FMO5: variants seen among roughly 807,000 people sequenced by gnomAD.
FMO5 encodes flavin-containing monooxygenase 5.
In FMO5, 51 loss-of-function variants were observed where a neutral mutation model predicts 43.6. The ratio of observed to expected loss-of-function variants is 1.17; its 90% CI spans 0.93 to 1.48. The LOEUF is 1.48. FMO5 is among the 40% of genes most tolerant of loss of function. The pLI, the probability that FMO5 is intolerant of heterozygous loss-of-function variation, is 0.00. For missense variants in FMO5, 644 were observed against 643.0 expected, an observed-to-expected ratio of 1.00 and a Z score of -0.02; for synonymous variants, 187 against 216.5, an observed-to-expected ratio of 0.86 and a Z score of 1.20.
intron 7 of FMO5, among the ~76,000 whole-genome samples, chr1:147,190,908 C>T (rs1236107380): frequency 4.0e-5 from 6 of 151,892 alleles, no homozygotes; most frequent in African/African-American, 1.5e-4. Flanking sequence ...TGTTCAATTC[C>T]CACCTATGAG....
At chr1:147,223,515 G>A (rs1663432808) in intron 2 of FMO5, 1 of 152,460 alleles carries the variant, frequency 6.6e-6, no homozygotes, top group South Asian at 2.1e-4. Context: ...CAGAAAACTA[G>A]CTTAAAAGCA....
intron 8 of FMO5, among the ~76,000 whole-genome samples, chr1:147,187,698 G>C (rs6697092): frequency 0.049 from 7,523 of 152,202 alleles, 194 homozygotes; most frequent in African/African-American, 0.07. Context: ...GACTTCCCAG[G>C]GCCAATGTTA....
intron 2 of FMO5, chr1:147,223,890 G>A (rs1553926883): frequency 8.5e-6 from 3 of 354,790 alleles, no homozygotes; most frequent in Non-Finnish European, 1.6e-5. Context: ...AAGAAGCAGA[G>A]ACTGTTGTCC....
chr1:147,208,790 G>A, intron 6 of FMO5, 62 bp downstream of exon 6: 2 of 1,398,606 alleles, frequency 1.4e-6, no homozygotes, highest in Middle Eastern at 1.8e-4. Context: ...ATTAGCCAGT[G>A]TGAAGAGTCC....
chr1:147,201,033 C>T, intron 7 of FMO5, 119 bp downstream of exon 7: 1 of 729,430 alleles, frequency 1.4e-6, no homozygotes, highest in Non-Finnish European at 2.3e-6. Flanking sequence ...TCTGTACTAA[C>T]TTTGTGCTAG....
chr1:147,206,589 AATG>A (rs1252341964), intron 6 of FMO5, among the ~76,000 whole-genome samples: 2 of 152,220 alleles, frequency 1.3e-5, no homozygotes, highest in East Asian at 1.9e-4. Context: ...AGCCATAAAA[AATG>A]ATGAGTTCAT....
chr1:147,221,211 C>G lies in FMO5; in HGVS notation c.135+3684G>C, dbSNP rs937483168. Among the ~76,000 whole-genome samples, 4 of 152,198 alleles carry G rather than the reference C, an allele frequency of 2.6e-5. No individual in the cohort carries two copies. In the South Asian group the frequency reaches 6.2e-4, roughly 24 times the overall value. Reference sequence around the variant, plus strand: ...ATGACTATTAAATGTAATGCAGTATCCTGGATGGGATCCTGGAACAGCAAA... The same window carrying G: ...ATGACTATTAAATGTAATGCAGTATGCTGGATGGGATCCTGGAACAGCAAA... On this transcript the variant is annotated intron_variant, in intron 2 of 8. Coordinates refer to ENST00000254090, the MANE Select transcript of FMO5 (RefSeq NM_001461.4).
Position 147,212,485 on chromosome 1 carries a change from G to C in FMO5, c.538C>G (p.Pro180Ala). Residue 180 changes from proline to alanine, a missense_variant, in exon 5 of 9, where the codon CCA (proline) becomes GCA (alanine). Transcript: ENST00000254090. ...QYFHSRDYKN[P>A]EGFTGKRVII... ...ACTCTCTTTCCAGTGAATCCCTCTG[G>C]GTTCTTATAGTCTCGACTGTGGAAG... 2 of 1,613,752 alleles carry C rather than the reference G, an allele frequency of 1.2e-6. No homozygotes were observed. The highest frequency in any genetic ancestry group is 1.7e-6 in the Non-Finnish European group (2 of 1,179,702).
intron 5 of FMO5, 43 bp from the exon 6 acceptor site, chr1:147,209,094 G>C: frequency 1.9e-6 from 3 of 1,549,010 alleles, no homozygotes; most frequent in Non-Finnish European, 1.8e-6. Flanking sequence ...ACTCAGATTC[G>C]TAAACCTTCA....
chr1:147,188,721 T>C (rs1288791022), intron 8 of FMO5, among the ~76,000 whole-genome samples: 14 of 148,444 alleles, frequency 9.4e-5, no homozygotes, highest in African/African-American at 3.5e-4. Flanking sequence ...AGAACTTAAA[T>C]ATAAAATAAA....
rs782760554 is a variant in FMO5, at chr1:147,211,856, AC to A, written c.630+536del. Among the ~76,000 whole-genome samples the A allele has an allele frequency of 9.8e-5, 15 of 152,352 alleles. No homozygotes were observed. In the East Asian group the frequency reaches 2.3e-3, roughly 24 times the overall value. ...CCAGGGCAAGCTGCTTGCATGTGCT[AC>A]AGTTTGGACGCTATACGGATACCCA... On this transcript the variant is annotated intron_variant, in intron 5 of 8. Coordinates refer to ENST00000254090, the MANE Select transcript of FMO5 (RefSeq NM_001461.4).
At chr1:147,219,964 G>T (rs1662722224) in intron 2 of FMO5, among the ~76,000 whole-genome samples, 1 of 151,720 alleles carries the variant, frequency 6.6e-6, no homozygotes, top group African/African-American at 2.4e-5. Flanking sequence ...TCAGCCTCCG[G>T]AGTAACTGGG....
intron 3 of FMO5, among the ~76,000 whole-genome samples, chr1:147,214,297 C>G (rs1260496897): frequency 6.6e-6 from 1 of 151,954 alleles, no homozygotes; most frequent in Non-Finnish European, 1.5e-5. Flanking sequence ...ACTACAAATA[C>G]AAAAATTAGT....
At chr1:147,184,595 A>T (rs375912576), downstream of FMO5, 738 of 1,548,408 alleles carry the variant, frequency 4.8e-4, 7 homozygotes, top group Middle Eastern at 4.5e-3. This position sits in a 1 kb window ranked among gnomAD's most constrained non-coding sequence, Gnocchi z 4.4. Context: ...AATATTCTTC[A>T]ACTTGGGTTT....
rs1184780776 is a variant in FMO5, at chr1:147,225,278, G to A, written c.-38+9C>T. Reference sequence around the variant, plus strand: ...GCTGAGAGTGCTCTGCTGCGGTACCGGATCTCACCGCCTTTCCTGAAGCGC... The same window carrying A: ...GCTGAGAGTGCTCTGCTGCGGTACCAGATCTCACCGCCTTTCCTGAAGCGC... On this transcript the variant is annotated intron_variant, in intron 1 of 8. Coordinates refer to ENST00000254090, the MANE Select transcript of FMO5 (RefSeq NM_001461.4). 7 of 924,494 alleles carry A rather than the reference G, an allele frequency of 7.6e-6. No individual in the cohort carries two copies. Among genetic ancestry groups the A allele is most frequent in the African/African-American group, 1.7e-5 (1 of 59,732 alleles). 57.3% of individuals were successfully genotyped at this position (924,494 alleles called of 1,614,324 possible).
chr1:147,200,666 T>C (rs904915174), intron 7 of FMO5, among the ~76,000 whole-genome samples: 1 of 152,096 alleles, frequency 6.6e-6, no homozygotes, highest in Admixed American at 6.5e-5. Context: ...ATTTGGGGGA[T>C]TGAATATCCT....
intron 7 of FMO5, among the ~76,000 whole-genome samples, chr1:147,198,588 T>G (rs1300390430): frequency 6.6e-6 from 1 of 152,070 alleles, no homozygotes; most frequent in Non-Finnish European, 1.5e-5. Context: ...CAGTGACTCA[T>G]GCCTGTAATC....
intron 2 of FMO5, among the ~76,000 whole-genome samples, 191 bp downstream of exon 2, chr1:147,224,704 G>A (rs1663697738): frequency 6.6e-6 from 1 of 151,920 alleles, no homozygotes; most frequent in Admixed American, 6.5e-5. Context: ...TAGAGACGAG[G>A]TTTCACCGTG....
intron 7 of FMO5, among the ~76,000 whole-genome samples, chr1:147,193,498 T>C (rs114221811): frequency 0.037 from 5,607 of 152,162 alleles, 154 homozygotes; most frequent in South Asian, 0.095. Flanking sequence ...TTTTGTGACT[T>C]AATTTCCTTC....
Sources: gnomAD v4.1 joint callset for allele counts (sites outside exome capture counted in the v4.1 genomes callset) on GRCh38, gnomAD v4.1.1 for gene constraint, Gnocchi (gnomAD v3.1) non-coding constraint, MANE v1.5 for transcripts, NCBI Gene and HGNC (gene_info 2026-07-23, HGNC 2026-07-21) for gene names.